PALLD: variants seen among roughly 807,000 people sequenced by gnomAD.
PALLD encodes the protein palladin.
In PALLD, 61 loss-of-function variants were observed where a neutral mutation model predicts 123.5. The ratio of observed to expected loss-of-function variants is 0.49; its 90% CI spans 0.40 to 0.61. The LOEUF is 0.61. Ranked by LOEUF, PALLD falls within the 20% of genes least tolerant of loss-of-function variation. The pLI is 0.00. For missense variants in PALLD, 1,273 were observed against 1,377.0 expected (o/e 0.92, Z 1.20); for synonymous variants, 465 against 496.4 (o/e 0.94, Z 0.84).
intron 10 of PALLD, among the ~76,000 whole-genome samples, chr4:168,823,147 C>T (rs887040889): frequency 6.6e-6 from 1 of 152,118 alleles, no homozygotes; most frequent in African/African-American, 2.4e-5. Flanking sequence ...TTTATGTTCA[C>T]TTTTTCCTTC....
intron 21 of PALLD, among the ~76,000 whole-genome samples, chr4:168,925,851 T>C (rs912224400): frequency 6.6e-6 from 1 of 152,188 alleles, no homozygotes; most frequent in African/African-American, 2.4e-5. Flanking sequence ...TCCAGCAGAA[T>C]TCCTAAGTGC....
intron 2 of PALLD, among the ~76,000 whole-genome samples, chr4:168,624,390 C>T (rs547058823): frequency 4.6e-4 from 70 of 152,198 alleles, no homozygotes; most frequent in African/African-American, 1.7e-3. Flanking sequence ...ATACTCACAC[C>T]TGATCCACCC....
At chr4:168,791,829 T>C (rs920791013) in intron 10 of PALLD, among the ~76,000 whole-genome samples, 7 of 152,172 alleles carry the variant, frequency 4.6e-5, no homozygotes. Context: ...AAGGATACTT[T>C]AGATATTTCC....
intron 2 of PALLD, among the ~76,000 whole-genome samples, chr4:168,620,945 T>A (rs1371770491): frequency 1.3e-5 from 2 of 152,356 alleles, no homozygotes; most frequent in Non-Finnish European, 2.9e-5. Context: ...TTCATTTTCA[T>A]CAAATAGCTG....
At chr4:168,881,022 A>G (rs567568643) in intron 10 of PALLD, among the ~76,000 whole-genome samples, 1 of 152,268 alleles carries the variant, frequency 6.6e-6, no homozygotes, top group East Asian at 1.9e-4. Flanking sequence ...TTCATGCCTC[A>G]GCCACCTAAA....
chr4:168,901,317 A>G (rs1756470242), intron 14 of PALLD, among the ~76,000 whole-genome samples: 1 of 152,224 alleles, frequency 6.6e-6, no homozygotes, highest in African/African-American at 2.4e-5. Context: ...TAGTTGAGCC[A>G]TAGGAAGACT....
intron 2 of PALLD, among the ~76,000 whole-genome samples, chr4:168,521,847 T>C (rs1763598484): frequency 6.6e-6 from 1 of 152,240 alleles, no homozygotes. Flanking sequence ...TGGGATACTT[T>C]CCCTTGGTCT....
rs140576435 is a variant in PALLD, at chr4:168,690,760, C to T, written c.1477+16C>T. Reference sequence around the variant, plus strand: ...CTACAGAAAAGTAAGGAGAAGTGCCCATGTCCCCAAATCTGACCATTTTAT... The same window carrying T: ...CTACAGAAAAGTAAGGAGAAGTGCCTATGTCCCCAAATCTGACCATTTTAT... On this transcript the variant is annotated intron_variant, in intron 7 of 21. Transcript: ENST00000505667. 1,295 of 1,613,506 alleles carry T rather than the reference C, an allele frequency of 8.0e-4. 12 individuals carry two copies. The East Asian group carries it at 0.016, about 21-fold the overall frequency.
intron 2 of PALLD, among the ~76,000 whole-genome samples, chr4:168,623,674 G>A (rs905521741): frequency 1.3e-5 from 2 of 152,158 alleles, no homozygotes; most frequent in African/African-American, 2.4e-5. Context: ...AAGGCATACC[G>A]GGCAAACGGA....
chr4:168,647,027 C>T (rs1777529914), intron 2 of PALLD, among the ~76,000 whole-genome samples: 2 of 152,144 alleles, frequency 1.3e-5, no homozygotes, highest in Admixed American at 1.3e-4. Flanking sequence ...TCTCAATGTG[C>T]ATAGCAAAAA....
At chr4:168,818,559 T>A (rs1458667369) in intron 10 of PALLD, among the ~76,000 whole-genome samples, 1 of 152,194 alleles carries the variant, frequency 6.6e-6, no homozygotes, top group African/African-American at 2.4e-5. Context: ...TACTCCAGCC[T>A]GGACAACAGA....
chr4:168,832,038 C>T, intron 10 of PALLD: 2 of 985,440 alleles, frequency 2.0e-6, no homozygotes, highest in Non-Finnish European at 2.4e-6. Flanking sequence ...AGGCTCGGAG[C>T]CTCCTGAGTC....
chr4:168,833,605 T>C (rs1374559270), intron 10 of PALLD, among the ~76,000 whole-genome samples: 1 of 152,054 alleles, frequency 6.6e-6, no homozygotes, highest in Non-Finnish European at 1.5e-5. Context: ...GATAATTTCT[T>C]GATTTGTGTT....
At chr4:168,785,846 G>GAGATATATATATATAT (rs764117358) in intron 10 of PALLD, among the ~76,000 whole-genome samples, 6 of 80,916 alleles carry the variant, frequency 7.4e-5, no homozygotes, top group African/African-American at 1.2e-4. Context: ...AAACTGTAGA[G>GAGATATATATATATAT]ATATATATAT....
intron 10 of PALLD, among the ~76,000 whole-genome samples, chr4:168,717,667 A>G (rs1785493897): frequency 6.6e-6 from 1 of 152,052 alleles, no homozygotes; most frequent in Admixed American, 6.6e-5. Flanking sequence ...CCTTTCACCT[A>G]GATATACCAT....
At position 168,611,215 on chromosome 4, in the gene PALLD, C is replaced by T. The variant is rs79960929; in HGVS notation, c.909-56975C>T. ...CCTGCGCCATACTCTGCCATTTGCT[C>T]AGGTTTCCTGACAGCTGCCACAACT... On this transcript the variant is annotated intron_variant, in intron 2 of 21. Coordinates refer to ENST00000505667, the MANE Select transcript of PALLD (RefSeq NM_001166108.2). Among the ~76,000 whole-genome samples the T allele has an allele frequency of 3.0e-4, 46 of 152,346 alleles. 1 individual carries two copies. The East Asian group carries it at 7.7e-3, about 26-fold the overall frequency.
At chr4:168,584,964 C>A (rs1234858987) in intron 2 of PALLD, among the ~76,000 whole-genome samples, 1 of 152,134 alleles carries the variant, frequency 6.6e-6, no homozygotes, top group Non-Finnish European at 1.5e-5. Context: ...AGAGTTCCCC[C>A]CTTTCTTGGC....
intron 2 of PALLD, among the ~76,000 whole-genome samples, chr4:168,545,813 T>G (rs1766085769): frequency 6.6e-6 from 1 of 152,170 alleles, no homozygotes; most frequent in Admixed American, 6.5e-5. Context: ...ATATATAATA[T>G]CCACTTCCTA....
At chr4:168,599,549 G>A (rs1772333333) in intron 2 of PALLD, among the ~76,000 whole-genome samples, 1 of 152,146 alleles carries the variant, frequency 6.6e-6, no homozygotes, top group Admixed American at 6.5e-5. Flanking sequence ...GCCGTAAGTG[G>A]GAGAATAGTG....
Sources: allele counts gnomAD v4.1 joint callset (sites outside exome capture counted in the v4.1 genomes callset), GRCh38; gene constraint gnomAD v4.1.1; transcripts MANE v1.5; gene names NCBI Gene and HGNC (gene_info 2026-07-23, HGNC 2026-07-21).